The following NPAS2 variants were observed in gnomAD, a reference collection of about 807,000 sequenced individuals.
NPAS2 encodes neuronal PAS domain-containing protein 2.
Under a neutral mutation model 107.5 loss-of-function variants are expected in NPAS2, and 23 were observed. The ratio of observed to expected loss-of-function variants is 0.21; its 90% CI spans 0.15 to 0.30. The LOEUF (loss-of-function observed/expected upper bound fraction) is 0.30, where lower values mean the gene tolerates loss of function less well. NPAS2 is among the 10% of genes least tolerant of loss of function. The pLI is 1.00. For missense variants in NPAS2, 756 were observed against 1,043.3 expected (o/e 0.72, Z 3.79); for synonymous variants, 403 against 417.5 (o/e 0.97, Z 0.42).
At chr2:100,948,030 A>C (rs988854888) in intron 5 of NPAS2, among the ~76,000 whole-genome samples, 2 of 152,246 alleles carry the variant, frequency 1.3e-5, no homozygotes, top group Admixed American at 1.3e-4. Context: ...AGACAACAGC[A>C]CATATGCATT....
intron 1 of NPAS2, among the ~76,000 whole-genome samples, chr2:100,898,911 A>G (rs561141866): frequency 6.6e-6 from 1 of 152,338 alleles, no homozygotes; most frequent in East Asian, 1.9e-4. Flanking sequence ...CAAGGCTGGC[A>G]TCCACAGTGA....
At chr2:100,854,289 G>A (rs1407885582) in intron 1 of NPAS2, among the ~76,000 whole-genome samples, 6 of 152,130 alleles carry the variant, frequency 3.9e-5, no homozygotes, top group Non-Finnish European at 7.3e-5. Flanking sequence ...GCCATGGGCC[G>A]GAGTTGTGGG....
rs776184847 is a variant in NPAS2 at position 100,993,344 on chromosome 2, C to T, written c.2112-3C>T. 3.2e-6 allele frequency: 5 copies of T among 1,561,474 alleles called. No homozygotes were observed. Among genetic ancestry groups the T allele is most frequent in the Middle Eastern group, 1.7e-4 (1 of 5,828 alleles). On this transcript the variant is annotated splice_polypyrimidine_tract_variant and splice_region_variant and intron_variant, in intron 19 of 20. Coordinates refer to ENST00000335681, the MANE Select transcript of NPAS2 (RefSeq NM_002518.4). ...CCTGTTTTCTCCTTCCCACGTGAAA[C>T]AGGTACGCCCAGAGCCAGACCGTGT...
intron 7 of NPAS2, among the ~76,000 whole-genome samples, chr2:100,963,421 T>TTTGTC (rs1676031077): frequency 6.6e-6 from 1 of 152,142 alleles, no homozygotes; most frequent in Admixed American, 6.5e-5. Context: ...TTTGTTTTGT[T>TTTGTC]TGGAGACAGA....
intron 2 of NPAS2, among the ~76,000 whole-genome samples, chr2:100,916,142 TTAAA>T (rs1224449326): frequency 6.6e-6 from 1 of 152,002 alleles, no homozygotes; most frequent in African/African-American, 2.4e-5. Flanking sequence ...TAAAAAATGT[TTAAA>T]TAATCCAAAA....
chr2:100,959,221 G>T (rs1471818665), intron 7 of NPAS2, among the ~76,000 whole-genome samples: 3 of 151,736 alleles, frequency 2.0e-5, no homozygotes, highest in Admixed American at 2.0e-4. Flanking sequence ...AGTGAGCCAA[G>T]ATCGCACCAC....
intron 10 of NPAS2, among the ~76,000 whole-genome samples, chr2:100,967,742 T>A (rs952510116): frequency 4.6e-5 from 7 of 151,982 alleles, no homozygotes; most frequent in Non-Finnish European, 1.5e-5. Context: ...GACATCACTA[T>A]GGGGGGGCTG....
At chr2:100,844,842 T>C (rs1261865006) in intron 1 of NPAS2, among the ~76,000 whole-genome samples, 2 of 152,140 alleles carry the variant, frequency 1.3e-5, no homozygotes, top group African/African-American at 2.4e-5. Context: ...TTTGCCACTT[T>C]CGTTAGAGAA....
rs560512358 is a variant in NPAS2, at chr2:100,887,974, T to C, written c.-22-16759T>C. Among the ~76,000 whole-genome samples the C allele has an allele frequency of 9.8e-5, 15 of 152,332 alleles. No individual in the cohort carries two copies. The South Asian group carries it at 2.1e-3, about 21-fold the overall frequency. On this transcript the variant is annotated intron_variant, in intron 1 of 20. Transcript: ENST00000335681. ...AGGGGCTGGGCAGAGCAAGTTGCTT[T>C]CCGAGTCATACAGATGGCAGTCTTC...
At chr2:100,829,223 C>T (rs1411843158) in intron 1 of NPAS2, among the ~76,000 whole-genome samples, 3 of 146,764 alleles carry the variant, frequency 2.0e-5, no homozygotes, top group African/African-American at 7.4e-5. Flanking sequence ...CTCATTCTGT[C>T]GCCCAGGCTG....
At position 100,888,107 on chromosome 2, in the gene NPAS2, C is replaced by T. The variant is rs1485899006; in HGVS notation, c.-22-16626C>T. 2.6e-5 allele frequency among the ~76,000 whole-genome samples: 4 copies of T among 152,326 alleles called. No homozygotes were observed. In the East Asian group the frequency reaches 7.7e-4, roughly 29 times the overall value. On this transcript the variant is annotated intron_variant, in intron 1 of 20. Coordinates refer to ENST00000335681, the MANE Select transcript of NPAS2 (RefSeq NM_002518.4). ...CAGGTCCAAGCACAGGGGCATCCTG[C>T]AACCCATATTCAGCCTCTCCCGAAG...
chr2:100,977,733 C>T lies in NPAS2; in HGVS notation c.1416C>T (p.Ser472=), dbSNP rs763374522. ...TMPAPLPSPS[S]CDLTQQLLPQ... ...AGGCCCCTCTGCCTTCCCCATCGTC[C>T]TGCGACCTCACACAGCAGCTCCTGC... The change falls in exon 15 of 21, where the codon TCC becomes TCT. Residue 472 remains serine (S), a synonymous_variant. Transcript: ENST00000335681. 60 of 1,614,084 alleles carry T rather than the reference C, an allele frequency of 3.7e-5. No individual in the cohort carries two copies. The highest frequency in any genetic ancestry group is 3.3e-4 in the Middle Eastern group (2 of 6,084).
chr2:100,945,620 C>A (rs1674846647), intron 5 of NPAS2, among the ~76,000 whole-genome samples: 1 of 152,322 alleles, frequency 6.6e-6, no homozygotes, highest in African/African-American at 2.4e-5. Context: ...CTCATCTGGG[C>A]CCTGCTTCCC....
At chr2:100,959,268 C>CA (rs954601943) in intron 7 of NPAS2, among the ~76,000 whole-genome samples, 29 of 103,564 alleles carry the variant, frequency 2.8e-4, no homozygotes, top group Middle Eastern at 5.4e-3. Flanking sequence ...GACCCTGTCT[C>CA]AAAAAAAAAA....
rs371612685 is a variant in NPAS2, at chr2:100,990,297, C to T, written c.1869C>T (p.Ser623=). The T allele has an allele frequency of 3.2e-5, 52 of 1,614,038 alleles. No homozygotes were observed. Among genetic ancestry groups the T allele is most frequent in the African/African-American group, 9.3e-5 (7 of 74,914 alleles). The change falls in exon 18 of 21, where the codon AGC becomes AGT. Residue 623 remains serine, a synonymous_variant. Transcript: ENST00000335681. ...GAAGCTCACAGCTAATGCAGAGCAG[C>T]GGCCGCTCTGGAAGCAGCCTAGTGT... ...PMRSSQLMQS[S]GRSGSSLVSP...
chr2:100,955,343 T>C (rs946153600), intron 7 of NPAS2, among the ~76,000 whole-genome samples: 9 of 152,144 alleles, frequency 5.9e-5, no homozygotes, highest in Non-Finnish European at 1.3e-4. Context: ...CTGTACCCGC[T>C]TCCTGGGCCT....
At chr2:100,910,587 G>T (rs1682481881) in intron 2 of NPAS2, among the ~76,000 whole-genome samples, 1 of 150,474 alleles carries the variant, frequency 6.6e-6, no homozygotes. Flanking sequence ...GGAGTGCAAT[G>T]GCGTGATCTC....
intron 1 of NPAS2, among the ~76,000 whole-genome samples, chr2:100,898,990 C>T (rs996361667): frequency 7.9e-5 from 12 of 152,036 alleles, no homozygotes; most frequent in Non-Finnish European, 1.5e-4. Context: ...CTCAAAAACC[C>T]GTATTCTGAG....
chr2:100,931,773 C>T (rs536540561), intron 3 of NPAS2, among the ~76,000 whole-genome samples: 12 of 152,184 alleles, frequency 7.9e-5, no homozygotes, highest in East Asian at 1.9e-4. Context: ...CGTGAGCCAC[C>T]GCGCCCGGCC....
Sources: allele counts gnomAD v4.1 joint callset (sites outside exome capture counted in the v4.1 genomes callset), GRCh38; gene constraint gnomAD v4.1.1; transcripts MANE v1.5; gene names NCBI Gene and HGNC (gene_info 2026-07-23, HGNC 2026-07-21).